Variants in PHAF1 observed in about 807,000 individuals in gnomAD.
The protein encoded by PHAF1 is phagosome assembly factor 1.
Under a neutral mutation model 63.1 loss-of-function variants are expected in PHAF1, and 23 were observed. That is an observed-to-expected ratio of 0.36 (90% CI 0.26 to 0.52). The LOEUF is 0.52. Ranked by LOEUF, PHAF1 falls within the 20% of genes least tolerant of loss-of-function variation. The pLI is 0.93. For synonymous variants in PHAF1, 167 were observed against 185.0 expected (o/e 0.90, Z 0.79); for missense variants, 427 against 517.2 (o/e 0.83, Z 1.69).
intron 10 of PHAF1, among the ~76,000 whole-genome samples, chr16:67,141,954 A>G (rs1022016026): frequency 1.3e-5 from 2 of 152,176 alleles, no homozygotes; most frequent in African/African-American, 2.4e-5. Flanking sequence ...CACCTCTTTC[A>G]GTCCCACCAT....
intron 8 of PHAF1, chr16:67,134,838 C>T (rs1389932483): frequency 2.5e-6 from 1 of 402,604 alleles, no homozygotes; most frequent in Non-Finnish European, 4.9e-6. Context: ...CCCTGACCTT[C>T]TAATACCATC....
chr16:67,114,563 GAA>G (rs766952691), intron 1 of PHAF1, among the ~76,000 whole-genome samples: 16 of 105,706 alleles, frequency 1.5e-4, no homozygotes, highest in African/African-American at 3.5e-4. Flanking sequence ...AATGAAAGAA[GAA>G]AAAAAAAAAA....
rs2145898130 is a variant in PHAF1, at chr16:67,147,151, C to T, written c.*20C>T. 6.3e-7 allele frequency: 1 copy of T among 1,588,236 alleles called. No homozygotes were observed. The highest frequency in any genetic ancestry group is 8.6e-7 in the Non-Finnish European group (1 of 1,156,572). ...CCCTAGGGACACCACCACCCATGCC[C>T]CTCTGTCCCGTGGAACTGTGCATCA... On this transcript the variant is annotated 3_prime_UTR_variant, in exon 16 of 16. Transcript: ENST00000219139.
Position 67,144,292 on chromosome 16 carries a change from A to G in PHAF1, c.880-2A>G. 1 of 1,607,146 alleles carries G rather than the reference A, an allele frequency of 6.2e-7. No individual in the cohort carries two copies. Among genetic ancestry groups the G allele is most frequent in the Non-Finnish European group, 8.5e-7 (1 of 1,173,688 alleles). On this transcript the variant is annotated splice_acceptor_variant, in intron 10 of 15. Transcript: ENST00000219139. LOFTEE classifies it high-confidence loss of function. The stretch of plus-strand genomic sequence containing the variant: ...CTTGAGTACCCTTGTTTTCTATCCC[A>G]GGACATCCTCTTTGATGCGAATACA...
intron 1 of PHAF1, among the ~76,000 whole-genome samples, chr16:67,112,664 T>C (rs1431061314): frequency 1.3e-5 from 2 of 152,214 alleles, no homozygotes; most frequent in African/African-American, 2.4e-5. Context: ...CTAGCTCTGC[T>C]AGTTTCCCAG....
At chr16:67,133,306 C>T (rs1426740980) in intron 6 of PHAF1, among the ~76,000 whole-genome samples, 3 of 152,022 alleles carry the variant, frequency 2.0e-5, no homozygotes. Flanking sequence ...AAATGATAAG[C>T]TTTCATAAGA....
chr16:67,125,285 G>A (rs1035070931), intron 2 of PHAF1, among the ~76,000 whole-genome samples: 1 of 152,204 alleles, frequency 6.6e-6, no homozygotes, highest in Non-Finnish European at 1.5e-5. Flanking sequence ...GGATTCAGAA[G>A]GGGCAAATGC....
chr16:67,112,793 C>T (rs183750099), intron 1 of PHAF1, among the ~76,000 whole-genome samples: 4 of 152,262 alleles, frequency 2.6e-5, no homozygotes, highest in Admixed American at 1.3e-4. Flanking sequence ...ATAGACTGGC[C>T]CAGAGGCTTC....
At chr16:67,131,758 G>A (rs1484680196) in intron 4 of PHAF1, among the ~76,000 whole-genome samples, 1 of 152,206 alleles carries the variant, frequency 6.6e-6, no homozygotes, top group Non-Finnish European at 1.5e-5. Context: ...GAGCTATAAT[G>A]TATTTTTTAG....
intron 10 of PHAF1, among the ~76,000 whole-genome samples, chr16:67,142,405 C>T (rs1963847522): frequency 6.6e-6 from 1 of 152,226 alleles, no homozygotes; most frequent in African/African-American, 2.4e-5. Flanking sequence ...CAGGCCATCC[C>T]AGGCTTGAAG....
chr16:67,125,939 A>G lies in PHAF1; in HGVS notation c.148-20A>G. 6.4e-7 allele frequency: 1 copy of G among 1,561,656 alleles called. No homozygotes were observed. Among genetic ancestry groups the G allele is most frequent in the Non-Finnish European group, 8.8e-7 (1 of 1,136,948 alleles). On this transcript the variant is annotated intron_variant, in intron 2 of 15. Coordinates refer to ENST00000219139, the MANE Select transcript of PHAF1 (RefSeq NM_025187.5). ...TGAATAAATCAGTTACTCAGAATGTATTTTATTTTTGTTTTGTAGTCTCCT... is the reference window on the plus strand; with the variant it reads ...TGAATAAATCAGTTACTCAGAATGTGTTTTATTTTTGTTTTGTAGTCTCCT...
At position 67,144,814 on chromosome 16, in the gene PHAF1, C is replaced by T; in HGVS notation, c.963-20C>T. On this transcript the variant is annotated intron_variant, in intron 11 of 15. Coordinates refer to ENST00000219139, the MANE Select transcript of PHAF1 (RefSeq NM_025187.5). ...GGCCTTCTAGGAGGCCCAGCCTTTACCCATTTGCCTTCTCTCTAGTTATCA... is the reference window on the plus strand; with the variant it reads ...GGCCTTCTAGGAGGCCCAGCCTTTATCCATTTGCCTTCTCTCTAGTTATCA... 6.2e-7 allele frequency: 1 copy of T among 1,613,798 alleles called. No individual in the cohort carries two copies. The highest frequency in any genetic ancestry group is 8.5e-7 in the Non-Finnish European group (1 of 1,179,734).
At position 67,147,634 on chromosome 16, in the gene PHAF1, AGGGTGG is replaced by A. The variant is rs2030215067; in HGVS notation, c.*504_*509del. 1 of 154,008 alleles carries A rather than the reference AGGGTGG, an allele frequency of 6.5e-6. No homozygotes were observed. Among genetic ancestry groups the A allele is most frequent in the Admixed American group, 6.5e-5 (1 of 15,358 alleles). The allele number at this position is 154,008 out of a possible 1,614,324, so 9.5% of individuals were successfully genotyped here. ...GTTACTTGATGAGCTGGCTGTGGCC[AGGGTGG>A]CCCACCTGCCCTTCCCTGTTCCTTT... On this transcript the variant is annotated 3_prime_UTR_variant, in exon 16 of 16. Coordinates refer to ENST00000219139, the MANE Select transcript of PHAF1 (RefSeq NM_025187.5).
intron 2 of PHAF1, among the ~76,000 whole-genome samples, chr16:67,124,611 C>T (rs1272187860): frequency 6.6e-6 from 1 of 152,186 alleles, no homozygotes; most frequent in Non-Finnish European, 1.5e-5. Flanking sequence ...TGGCCGAGCA[C>T]AGTGGCTCAC....
rs1374456106 is a variant in PHAF1 at position 67,144,747 on chromosome 16, C to G, written c.963-87C>G. The G allele has an allele frequency of 3.8e-5, 55 of 1,452,112 alleles. No homozygotes were observed. The South Asian group carries it at 4.9e-4, about 13-fold the overall frequency. The allele number at this position is 1,452,112 out of a possible 1,614,324, so 90.0% of individuals were successfully genotyped here. Reference sequence around the variant, plus strand: ...GGGCTTTGGGCAGGTGTGTTTGGTTCTGTTTCTCCTGGGGTGTGGGGTTGG... The same window carrying G: ...GGGCTTTGGGCAGGTGTGTTTGGTTGTGTTTCTCCTGGGGTGTGGGGTTGG... On this transcript the variant is annotated intron_variant, in intron 11 of 15. Coordinates refer to ENST00000219139, the MANE Select transcript of PHAF1 (RefSeq NM_025187.5).
rs757134779 is a variant in PHAF1 at position 67,147,050 on chromosome 16, G to A, written c.1188G>A (p.Met396Ile). The A allele has an allele frequency of 6.2e-7, 1 of 1,613,650 alleles. No individual in the cohort carries two copies. Among genetic ancestry groups the A allele is most frequent in the African/African-American group, 1.3e-5 (1 of 74,860 alleles). Reference protein sequence around the residue: ...FGLQRMIFEVMQNNHIASVTL... With the variant: ...FGLQRMIFEVIQNNHIASVTL... ...CTGTCCTCTTCTCACACCAGGTCATGCAGAACAACCACATTGCCTCGGTGA... is the reference window on the plus strand; with the variant it reads ...CTGTCCTCTTCTCACACCAGGTCATACAGAACAACCACATTGCCTCGGTGA... Residue 396 changes from methionine (M) to isoleucine (I), a missense_variant, in exon 16 of 16, where the codon ATG becomes ATA. Met to Ile is a conservative substitution (Grantham distance 10, BLOSUM62 1). Transcript: ENST00000219139.
chr16:67,145,263 C>T (rs1397496646), intron 12 of PHAF1, 113 bp from the exon 13 acceptor site: 2 of 1,207,758 alleles, frequency 1.7e-6, no homozygotes, highest in African/African-American at 1.5e-5. Context: ...TTAATCCTCC[C>T]CATGTACTCC....
chr16:67,132,450 G>T lies in PHAF1; in HGVS notation c.280G>T (p.Val94Leu). 1.2e-6 allele frequency: 2 copies of T among 1,600,872 alleles called. No individual in the cohort carries two copies. The highest frequency in any genetic ancestry group is 8.5e-7 in the Non-Finnish European group (1 of 1,171,266). The change falls in exon 5 of 16, where the codon GTG (valine) becomes TTG (leucine). Residue 94 changes from valine (V) to leucine (L), a missense_variant. By Grantham distance (32) the Val-to-Leu change is conservative. Transcript: ENST00000219139. Reference sequence around the variant, plus strand: ...AAAAATATTTTTGTTTTTCAGTGGCGTGCATTTTAATTCTCAGGCCATAGC... The same window carrying T: ...AAAAATATTTTTGTTTTTCAGTGGCTTGCATTTTAATTCTCAGGCCATAGC... ...LTKVKLKYCGVHFNSQAIAPT... is the reference protein window; with the variant it reads ...LTKVKLKYCGLHFNSQAIAPT...
chr16:67,144,380 A>G lies in PHAF1; in HGVS notation c.962+4A>G, dbSNP rs1371200829. 2 of 1,584,548 alleles carry G rather than the reference A, an allele frequency of 1.3e-6. No individual in the cohort carries two copies. Among genetic ancestry groups the G allele is most frequent in the East Asian group, 2.2e-5 (1 of 44,734 alleles). ...CTGGGCATTATAATTTCAACATGTGAGTACACCTGTCTGTACCTCCCCTCT... is the reference window on the plus strand; with the variant it reads ...CTGGGCATTATAATTTCAACATGTGGGTACACCTGTCTGTACCTCCCCTCT... On this transcript the variant is annotated splice_donor_region_variant and intron_variant, in intron 11 of 15. Transcript: ENST00000219139.
Sources: allele counts gnomAD v4.1 joint callset (sites outside exome capture counted in the v4.1 genomes callset), GRCh38; gene constraint gnomAD v4.1.1; transcripts MANE v1.5; gene names NCBI Gene and HGNC (gene_info 2026-07-23, HGNC 2026-07-21).